COL4A5: variants seen among roughly 807,000 people sequenced by gnomAD.
COL4A5 encodes collagen alpha-5(IV) chain.
Under a neutral mutation model 130.2 loss-of-function variants are expected in COL4A5, and 26 were observed. The ratio of observed to expected loss-of-function variants is 0.20; its 90% confidence interval spans 0.15 to 0.28. COL4A5 has a LOEUF of 0.28. Among genes scored for constraint, COL4A5 ranks in the 10% least tolerant of loss-of-function variants. COL4A5 has a pLI of 1.00. For missense variants in COL4A5, 1,131 were observed against 1,344.3 expected, an observed-to-expected ratio of 0.84 and a Z score of 2.48; for synonymous variants, 496 against 439.6, an observed-to-expected ratio of 1.13 and a Z score of -1.60.
At chrX:108,658,781 A>G (rs907627661) in intron 37 of COL4A5, among the ~76,000 whole-genome samples, 2 of 111,178 alleles carry the variant, frequency 1.8e-5, no homozygotes, top group African/African-American at 6.5e-5. Flanking sequence ...TGATATAAGT[A>G]ATTTTATTTC....
intron 1 of COL4A5, chrX:108,462,722 A>G (rs1457317072): frequency 8.9e-6 from 1 of 112,670 alleles, no homozygotes. Context: ...CTCTCTTGTA[A>G]TAAATGTTTT....
intron 40 of COL4A5, among the ~76,000 whole-genome samples, chrX:108,668,058 G>T (rs2068121052): frequency 9.0e-6 from 1 of 111,118 alleles, no homozygotes. Flanking sequence ...TCATTGCTCT[G>T]TCTTAACACA....
At position 108,591,589 on chromosome X, in the gene COL4A5, A is replaced by C; in HGVS notation, c.1368A>C (p.Pro456=). The C allele has an allele frequency of 8.3e-7, 1 of 1,208,375 alleles. No individual in the cohort carries two copies. Among genetic ancestry groups the C allele is most frequent in the Non-Finnish European group, 1.1e-6 (1 of 892,561 alleles). ...PSDEICEPGP[P]GPPGSPGDKG... ...ATGAGATATGTGAACCAGGCCCTCC[A>C]GGCCCCCCAGGATCTCCAGGTGATA... is the stretch of plus-strand genomic sequence containing the variant. Residue 456 remains proline, a synonymous_variant, in exon 21 of 53, where the codon CCA becomes CCC. Transcript: ENST00000328300.
intron 50 of COL4A5, 75 bp downstream of exon 50, chrX:108,693,000 C>A: frequency 9.3e-7 from 1 of 1,075,239 alleles, no homozygotes; most frequent in Non-Finnish European, 1.3e-6. Context: ...CCAAAGCTAA[C>A]AATCTGATGA....
Position 108,571,771 on chromosome X carries a change from C to G in COL4A5, c.439-40C>G, listed in dbSNP as rs200719406. ...CATTCTGTAATTGGCGTGTTTCTCT[C>G]TCATACATATAAAATAATCCCTTTT... On this transcript the variant is annotated intron_variant, in intron 7 of 52. Transcript: ENST00000328300. The G allele has an allele frequency of 2.7e-4, 283 of 1,048,360 alleles. 1 individual carries two copies. Among genetic ancestry groups the G allele is most frequent in the Non-Finnish European group, 2.8e-5 (21 of 749,783 alleles). The allele number at this position is 1,048,360 out of a possible 1,213,427, so 86.4% of individuals were successfully genotyped here. A position where few individuals can be genotyped will look rare whatever the true frequency, so the allele number is the denominator to read the frequency against.
chrX:108,695,990 G>C, intron 52 of COL4A5: 1 of 274,024 alleles, frequency 3.6e-6, no homozygotes, highest in East Asian at 7.6e-5. Context: ...CAGTTGCCCA[G>C]ATTTCCCTCA....
chrX:108,530,036 G>A (rs1313857298), intron 1 of COL4A5, among the ~76,000 whole-genome samples: 2 of 111,217 alleles, frequency 1.8e-5, no homozygotes, highest in Non-Finnish European at 3.8e-5. Context: ...GGTATAAATA[G>A]GGCTTCAGAC....
chrX:108,477,888 A>G (rs1418103659), intron 1 of COL4A5, among the ~76,000 whole-genome samples: 5 of 110,089 alleles, frequency 4.5e-5, no homozygotes, highest in African/African-American at 1.7e-4. Flanking sequence ...AGCTGGTCAC[A>G]TGGTTGTAGC....
rs1022894215 is a variant in COL4A5 at position 108,680,704 on chromosome X, A to G, written c.3968A>G (p.Asn1323Ser). The G allele has an allele frequency of 1.7e-6, 2 of 1,208,340 alleles. No individual in the cohort carries two copies. Among genetic ancestry groups the G allele is most frequent in the Admixed American group, 2.2e-5 (1 of 45,574 alleles). ...GGTAATCCTGGCCGGCCGGGTCTCA[A>G]TGGAATGAAAGGAGATCCTGGTCTC... ...LQGNPGRPGL[N>S]GMKGDPGLPG... The change falls in exon 45 of 53, where the codon AAT becomes AGT. Residue 1323 changes from asparagine (N) to serine (S), a missense_variant. Transcript: ENST00000328300.
At chrX:108,487,593 GAT>G (rs1177310873) in intron 1 of COL4A5, among the ~76,000 whole-genome samples, 4 of 111,400 alleles carry the variant, frequency 3.6e-5, no homozygotes, top group African/African-American at 1.3e-4. Context: ...TTTGCCAACT[GAT>G]ATGTTTTCAA....
intron 36 of COL4A5, among the ~76,000 whole-genome samples, chrX:108,629,635 A>G: frequency 9.0e-6 from 1 of 111,715 alleles, no homozygotes; most frequent in East Asian, 2.8e-4. Flanking sequence ...GAGAAAGATC[A>G]GGAGCATAGT....
At chrX:108,455,601 C>G (rs1260600931) in intron 1 of COL4A5, among the ~76,000 whole-genome samples, 2 of 112,297 alleles carry the variant, frequency 1.8e-5, no homozygotes, top group African/African-American at 6.5e-5. Context: ...TCTTTTGTGT[C>G]TTGTCTGAAT....
intron 36 of COL4A5, among the ~76,000 whole-genome samples, chrX:108,633,787 G>A (rs184110515): frequency 2.9e-4 from 32 of 111,663 alleles, no homozygotes; most frequent in African/African-American, 9.7e-4. Flanking sequence ...ATAATGTAAA[G>A]TAGTCTGTTG....
At position 108,655,396 on chromosome X, in the gene COL4A5, T is replaced by C. The variant is rs140829723; in HGVS notation, c.3312T>C (p.Gly1104=). ...PGIKGSVGDP[G]LPGLPGTPGA... ...TCAAAGGTTCTGTGGGAGATCCTGG[T>C]TTGCCCGGATTACCAGGAACCCCTG... The change falls in exon 37 of 53, where the codon GGT becomes GGC. Residue 1104 remains glycine, a synonymous_variant. Transcript: ENST00000328300. 63 of 1,209,068 alleles carry C rather than the reference T, an allele frequency of 5.2e-5. No individual in the cohort carries two copies. The African/African-American group carries it at 9.6e-4, about 18-fold the overall frequency.
intron 33 of COL4A5, among the ~76,000 whole-genome samples, chrX:108,623,969 C>A (rs1227649481): frequency 9.0e-6 from 1 of 111,411 alleles, no homozygotes; most frequent in Admixed American, 9.6e-5. Context: ...GTCCTTATTC[C>A]TTATTTCTTC....
intron 45 of COL4A5, 50 bp downstream of exon 45, chrX:108,680,801 A>G (rs776410340): frequency 8.4e-7 from 1 of 1,185,049 alleles, no homozygotes; most frequent in Non-Finnish European, 1.1e-6. Context: ...CTCCTCTGGG[A>G]CAAGATAGCC....
intron 1 of COL4A5, among the ~76,000 whole-genome samples, chrX:108,445,106 A>G (rs927937786): frequency 1.8e-5 from 2 of 111,218 alleles, no homozygotes; most frequent in African/African-American, 6.5e-5. Context: ...TCAATTTTAG[A>G]TTTCATTATT....
At chrX:108,472,555 C>T (rs191804509) in intron 1 of COL4A5, among the ~76,000 whole-genome samples, 4 of 111,934 alleles carry the variant, frequency 3.6e-5, no homozygotes, top group East Asian at 5.6e-4. Context: ...GACGAATTTA[C>T]ACTTTTCAAT....
intron 2 of COL4A5, among the ~76,000 whole-genome samples, chrX:108,558,605 A>T (rs2065861526): frequency 8.9e-6 from 1 of 111,998 alleles, no homozygotes; most frequent in Non-Finnish European, 1.9e-5. Flanking sequence ...CATTTTTAGT[A>T]TTAATTTTAC....
Sources: gnomAD v4.1 joint callset for allele counts (sites outside exome capture counted in the v4.1 genomes callset) on GRCh38, gnomAD v4.1.1 for gene constraint, MANE v1.5 for transcripts, NCBI Gene and HGNC (gene_info 2026-07-23, HGNC 2026-07-21) for gene names.